The following MX2 variants were observed in gnomAD, a reference collection of about 807,000 sequenced individuals.
The protein encoded by MX2 is interferon-induced GTP-binding protein Mx2.
MX2 carries 51 observed loss-of-function variants against 74.0 expected under a neutral mutation model. The ratio of observed to expected loss-of-function variants is 0.69; its 90% CI spans 0.55 to 0.87. MX2 has a LOEUF of 0.87. Among genes scored for constraint, MX2 ranks in the 40% least tolerant of loss-of-function variants. The pLI, the probability that MX2 is intolerant of heterozygous loss-of-function variation, is 0.00. For missense variants in MX2, 832 were observed against 908.7 expected, an observed-to-expected ratio of 0.92 and a Z score of 1.09; for synonymous variants, 369 against 339.3, an observed-to-expected ratio of 1.09 and a Z score of -0.96.
intron 7 of MX2, among the ~76,000 whole-genome samples, chr21:41,397,080 A>G (rs902365464): frequency 6.6e-6 from 1 of 152,204 alleles, no homozygotes; most frequent in Non-Finnish European, 1.5e-5. Flanking sequence ...GTGCTGGGGA[A>G]TAATCCTGTG....
intron 5 of MX2, among the ~76,000 whole-genome samples, chr21:41,387,321 G>T (rs1197576605): frequency 6.6e-6 from 1 of 152,196 alleles, no homozygotes; most frequent in Admixed American, 6.5e-5. Context: ...TCATAAGGAA[G>T]GGGGTGGGCT....
chr21:41,381,684 C>CAAAAAAA (rs57350601), intron 4 of MX2, among the ~76,000 whole-genome samples: 1 of 58,436 alleles, frequency 1.7e-5, no homozygotes, highest in African/African-American at 5.7e-5. Flanking sequence ...GACTCTGTCT[C>CAAAAAAA]AAAAAAAAAA....
In MX2 at chr21:41,381,221, A is replaced by G. The variant is rs116194585; in HGVS notation, c.577+1070A>G. Among the ~76,000 whole-genome samples the G allele has an allele frequency of 5.4e-3, 829 of 152,336 alleles. 7 individuals are homozygous for G. Among genetic ancestry groups the G allele is most frequent in the African/African-American group, 0.019 (778 of 41,580 alleles). On this transcript the variant is annotated intron_variant, in intron 4 of 13. Coordinates refer to ENST00000330714, the MANE Select transcript of MX2 (RefSeq NM_002463.2). ...TCAAATTGCAAAAGGTCTGCACCCC[A>G]GCTGTGCCCACCACAGCTACTGTGG...
chr21:41,403,831 A>C (rs887496537), intron 12 of MX2: 5 of 342,414 alleles, frequency 1.5e-5, no homozygotes, highest in Non-Finnish European at 2.9e-5. Flanking sequence ...TCTTCTGCCC[A>C]GGCCTGGGCT....
Position 41,409,339 on chromosome 21 carries a change from G to A in MX2, c.*1106G>A, listed in dbSNP as rs796974006. 1.3e-5 allele frequency: 2 copies of A among 152,090 alleles called. No individual in the cohort carries two copies. Among genetic ancestry groups the A allele is most frequent in the African/African-American group, 2.4e-5 (1 of 41,398 alleles). 9.4% of individuals were successfully genotyped at this position (152,090 alleles called of 1,614,324 possible). Reference sequence around the variant, plus strand: ...TTTCTTTTCTTCTTCATGTTTTCCTGTATGTTTCAAATGATGAACATATAG... The same window carrying A: ...TTTCTTTTCTTCTTCATGTTTTCCTATATGTTTCAAATGATGAACATATAG... On this transcript the variant is annotated 3_prime_UTR_variant, in exon 14 of 14. Coordinates refer to ENST00000330714, the MANE Select transcript of MX2 (RefSeq NM_002463.2).
intron 6 of MX2, among the ~76,000 whole-genome samples, chr21:41,393,657 C>A (rs146569244): frequency 6.6e-6 from 1 of 152,174 alleles, no homozygotes; most frequent in Non-Finnish European, 1.5e-5. Flanking sequence ...CTTCTATCAA[C>A]GCATCATCAC....
intron 3 of MX2, 102 bp downstream of exon 3, chr21:41,378,083 G>A (rs1331551763): frequency 1.4e-6 from 2 of 1,384,722 alleles, no homozygotes. Flanking sequence ...GCTGCTGGGT[G>A]AGAGAGCTGG....
intron 4 of MX2, 91 bp from the exon 5 acceptor site, chr21:41,382,319 C>G: frequency 6.8e-7 from 1 of 1,466,550 alleles, no homozygotes; most frequent in Non-Finnish European, 9.1e-7. Context: ...CTCTCATACC[C>G]TGGAAAGGAG....
At chr21:41,378,386 G>A (rs1277084096) in intron 3 of MX2, among the ~76,000 whole-genome samples, 1 of 149,204 alleles carries the variant, frequency 6.7e-6, no homozygotes, top group African/African-American at 2.6e-5. Context: ...GCAGGGGGCT[G>A]GATTCCCCAT....
At position 41,402,248 on chromosome 21, in the gene MX2, T is replaced by C; in HGVS notation, c.1573+120T>C. The stretch of plus-strand genomic sequence containing the variant: ...ACCAGCCTGCAGACACGCTCACTGG[T>C]GTGCTAGATTGCTACTCTGTGTGGT... On this transcript the variant is annotated intron_variant, in intron 11 of 13. Coordinates refer to ENST00000330714, the MANE Select transcript of MX2 (RefSeq NM_002463.2). This position sits in a 1 kb window ranked among gnomAD's most constrained non-coding sequence, Gnocchi z 4.5. 8.5e-7 allele frequency: 1 copy of C among 1,177,726 alleles called. No individual in the cohort carries two copies. The highest frequency in any genetic ancestry group is 1.6e-5 in the South Asian group (1 of 63,024). 73.0% of individuals were successfully genotyped at this position (1,177,726 alleles called of 1,614,324 possible). A position where few individuals can be genotyped will look rare whatever the true frequency, so the allele number is the denominator to read the frequency against.
In MX2 at chr21:41,380,666, A is replaced by AC. The variant is rs1363683717; in HGVS notation, c.577+520dup. Among the ~76,000 whole-genome samples, 5 of 151,626 alleles carry AC rather than the reference A, an allele frequency of 3.3e-5. No individual in the cohort carries two copies. Among genetic ancestry groups the AC allele is most frequent in the Admixed American group, 1.3e-4 (2 of 15,214 alleles). On this transcript the variant is annotated intron_variant, in intron 4 of 13. Coordinates refer to ENST00000330714, the MANE Select transcript of MX2 (RefSeq NM_002463.2). The surrounding 1 kb of genome is among the most constrained non-coding windows in gnomAD (Gnocchi z 4.3). ...CCTTGTGGCCACCTTTCCTCCCAGC[A>AC]CCCCCTCCAAATGCAGACCCCTCTC...
In MX2 at chr21:41,375,936, G is replaced by A. The variant is rs376020610; in HGVS notation, c.-71-900G>A. The stretch of plus-strand genomic sequence containing the variant: ...GGCTTAGGCGTCATTGGCCCTCCCG[G>A]ATGTCAGTTTCTTGACCCTGAAAAT... On this transcript the variant is annotated intron_variant, in intron 1 of 13. Coordinates refer to ENST00000330714, the MANE Select transcript of MX2 (RefSeq NM_002463.2). Among the ~76,000 whole-genome samples the A allele has an allele frequency of 5.8e-4, 88 of 152,306 alleles. 1 individual carries two copies. The highest frequency in any genetic ancestry group is 2.0e-3 in the African/African-American group (85 of 41,556).
chr21:41,377,194 T>C (rs2089417491), intron 2 of MX2, 39 bp downstream of exon 2: 1 of 1,608,326 alleles, frequency 6.2e-7, no homozygotes. Flanking sequence ...GGGTGCATTC[T>C]GGCTGCCGGT....
At chr21:41,399,406 CATG>C (rs762882372) in intron 10 of MX2, 69 bp downstream of exon 10, 46 of 1,507,738 alleles carry the variant, frequency 3.1e-5, no homozygotes, top group Non-Finnish European at 4.1e-5. Context: ...ATGTCCAGCA[CATG>C]ATAAGTGTGC....
chr21:41,390,404 C>G, intron 5 of MX2, 161 bp from the exon 6 acceptor site: 1 of 996,192 alleles, frequency 1.0e-6, no homozygotes, highest in South Asian at 1.5e-5. Flanking sequence ...GCAGGGCCGC[C>G]GGGGCAGGCA....
At chr21:41,407,275 C>A (rs374792839) in intron 13 of MX2, among the ~76,000 whole-genome samples, 7 of 152,298 alleles carry the variant, frequency 4.6e-5, no homozygotes, top group East Asian at 3.9e-4. Flanking sequence ...CCTTATATTT[C>A]TTATGCGGTC....
intron 12 of MX2, among the ~76,000 whole-genome samples, chr21:41,405,396 G>A (rs1297814561): frequency 1.3e-5 from 2 of 152,128 alleles, no homozygotes; most frequent in African/African-American, 4.8e-5. Context: ...CTGGAGGCTG[G>A]GAGCCTGAGA....
rs201893416 is a variant in MX2, at chr21:41,398,902, G to A, written c.1155G>A (p.Ser385=). ...TTELIMHIQK[S]LPLLEGQIRE... ...TTTGCAATTGTTTTGTTTAGAAATC[G>A]CTCCCGTTGTTAGAAGGACAAATAA... Residue 385 remains serine, a synonymous_variant, in exon 9 of 14, where the codon TCG becomes TCA. Coordinates refer to ENST00000330714, the MANE Select transcript of MX2 (RefSeq NM_002463.2). 391 of 1,611,654 alleles carry A rather than the reference G, an allele frequency of 2.4e-4. No homozygotes were observed. Among genetic ancestry groups the A allele is most frequent in the Admixed American group, 4.4e-4 (26 of 59,612 alleles).
At position 41,406,863 on chromosome 21, in the gene MX2, GA is replaced by G; in HGVS notation, c.1773del (p.Val592SerfsTer16). The G allele has an allele frequency of 6.2e-7, 1 of 1,614,228 alleles. No individual in the cohort carries two copies. The highest frequency in any genetic ancestry group is 8.5e-7 in the Non-Finnish European group (1 of 1,180,046). On this transcript the variant is annotated frameshift_variant, in exon 13 of 14. Transcript: ENST00000330714. LOFTEE classifies it high-confidence loss of function. The part of the protein sequence containing the change: ...QDQIYSVVLK[K>X]VREEIFNPLG... ...ATCAGATTTACAGTGTTGTTCTGAA[GA>G]AAGTCCGAGAAGAGATTTTTAACCC...
Sources: allele counts gnomAD v4.1 joint callset (sites outside exome capture counted in the v4.1 genomes callset), GRCh38; gene constraint gnomAD v4.1.1; non-coding constraint Gnocchi (gnomAD v3.1); transcripts MANE v1.5; gene names NCBI Gene and HGNC (gene_info 2026-07-23, HGNC 2026-07-21).